Variants in EYS observed in about 807,000 individuals in gnomAD.
EYS encodes the protein EGF-like photoreceptor maintenance factor.
EYS carries 250 observed loss-of-function variants against 282.1 expected under a neutral mutation model. That is an observed-to-expected ratio of 0.89 (90% CI 0.80 to 0.98). The LOEUF is 0.98. Ranked by LOEUF, EYS falls within the 50% of genes least tolerant of loss-of-function variation. EYS has a pLI of 0.00. For synonymous variants in EYS, 1,355 were observed against 1,282.9 expected, an observed-to-expected ratio of 1.06 and a Z score of -1.20; for missense variants, 4,016 against 3,709.0, an observed-to-expected ratio of 1.08 and a Z score of -2.15.
intron 22 of EYS, among the ~76,000 whole-genome samples, chr6:64,676,327 T>TATAG: frequency 6.9e-6 from 1 of 145,872 alleles, no homozygotes; most frequent in East Asian, 2.0e-4. Flanking sequence ...TATATATATA[T>TATAG]ATCTATATAT....
chr6:64,854,607 G>A (rs904863860), intron 19 of EYS, among the ~76,000 whole-genome samples: 4 of 128,056 alleles, frequency 3.1e-5, no homozygotes, highest in Admixed American at 8.3e-5. Flanking sequence ...TGGGGGGAGG[G>A]GGGAGGGATA....
At chr6:65,397,467 T>C (rs1030541122) in intron 7 of EYS, among the ~76,000 whole-genome samples, 1 of 151,974 alleles carries the variant, frequency 6.6e-6, no homozygotes, top group Non-Finnish European at 1.5e-5. Context: ...GTGAAAAGAT[T>C]AGGTTTTTTA....
chr6:65,224,575 A>G (rs1295136408), intron 12 of EYS, among the ~76,000 whole-genome samples: 1 of 151,760 alleles, frequency 6.6e-6, no homozygotes, highest in Non-Finnish European at 1.5e-5. Context: ...GATAAATGAA[A>G]TCAAGAAATG....
At chr6:65,491,088 G>C (rs1212741073) in intron 4 of EYS, among the ~76,000 whole-genome samples, 1 of 152,036 alleles carries the variant, frequency 6.6e-6, no homozygotes, top group African/African-American at 2.4e-5. Flanking sequence ...ACATTCAAAT[G>C]TGTACTGTTT....
chr6:65,517,165 A>G (rs1767166257), intron 2 of EYS, among the ~76,000 whole-genome samples: 1 of 151,944 alleles, frequency 6.6e-6, no homozygotes, highest in African/African-American at 2.4e-5. Context: ...CAAAGGAACT[A>G]CTGCGTGTGG....
chr6:64,106,861 T>A (rs1488860168), intron 31 of EYS, among the ~76,000 whole-genome samples: 1 of 152,044 alleles, frequency 6.6e-6, no homozygotes. Flanking sequence ...CTGTTCTTTT[T>A]TCCCAGTCTT....
At position 64,065,956 on chromosome 6, in the gene EYS, A is replaced by G. The variant is rs78803528; in HGVS notation, c.6725+382T>C. Among the ~76,000 whole-genome samples, 13 of 152,294 alleles carry G rather than the reference A, an allele frequency of 8.5e-5. No individual in the cohort carries two copies. In the East Asian group the frequency reaches 2.5e-3, roughly 29 times the overall value. ...ACTTTTGGGTGGCTGTTACACACGT[A>G]AATAACATTTAAAAAATAGAGTTCA... On this transcript the variant is annotated intron_variant, in intron 33 of 42. Coordinates refer to ENST00000503581, the MANE Select transcript of EYS (RefSeq NM_001142800.2).
intron 32 of EYS, among the ~76,000 whole-genome samples, chr6:64,068,424 T>G (rs1415886294): frequency 1.3e-5 from 2 of 151,150 alleles, no homozygotes; most frequent in African/African-American, 4.9e-5. Flanking sequence ...TTGATGAATG[T>G]AAATTCTTAA....
chr6:64,496,076 A>T (rs1200516735), intron 26 of EYS, among the ~76,000 whole-genome samples: 1 of 151,844 alleles, frequency 6.6e-6, no homozygotes, highest in African/African-American at 2.4e-5. Flanking sequence ...TTTAATCAAG[A>T]TATGCAAAGG....
chr6:64,410,554 T>C (rs1773855769), intron 28 of EYS, among the ~76,000 whole-genome samples: 1 of 152,174 alleles, frequency 6.6e-6, no homozygotes, highest in African/African-American at 2.4e-5. Flanking sequence ...ATATTTTTTA[T>C]TATCTGGTTC....
intron 26 of EYS, among the ~76,000 whole-genome samples, chr6:64,443,704 C>T (rs1775028638): frequency 6.6e-6 from 1 of 152,070 alleles, no homozygotes; most frequent in Non-Finnish European, 1.5e-5. Context: ...TGCCTGCTGC[C>T]ATCTCTCTTT....
intron 30 of EYS, among the ~76,000 whole-genome samples, chr6:64,254,897 G>A (rs1428534585): frequency 6.6e-6 from 1 of 152,100 alleles, no homozygotes; most frequent in African/African-American, 2.4e-5. Flanking sequence ...GAAGCAAAGT[G>A]AAAAGAGGGG....
At chr6:64,562,777 G>A (rs1422229069) in intron 26 of EYS, among the ~76,000 whole-genome samples, 3 of 151,662 alleles carry the variant, frequency 2.0e-5, no homozygotes, top group Non-Finnish European at 3.0e-5. Flanking sequence ...AATAATACTG[G>A]TAACACAATT....
At chr6:64,544,736 T>TA (rs1276537611) in intron 26 of EYS, among the ~76,000 whole-genome samples, 1 of 152,086 alleles carries the variant, frequency 6.6e-6, no homozygotes, top group Non-Finnish European at 1.5e-5. Context: ...GAGAATACTA[T>TA]AAAAACCTCT....
At chr6:64,031,598 G>A (rs1769842376) in intron 33 of EYS, among the ~76,000 whole-genome samples, 1 of 152,218 alleles carries the variant, frequency 6.6e-6, no homozygotes, top group South Asian at 2.1e-4. Context: ...GAGTCTGGTG[G>A]GGACTTGCAG....
intron 26 of EYS, among the ~76,000 whole-genome samples, chr6:64,460,253 T>A (rs1775699262): frequency 6.6e-6 from 1 of 152,158 alleles, no homozygotes; most frequent in Non-Finnish European, 1.5e-5. Flanking sequence ...TATATAGCCT[T>A]CAGAAGCCAT....
chr6:63,819,647 T>G (rs986051776), intron 36 of EYS, among the ~76,000 whole-genome samples: 1 of 152,216 alleles, frequency 6.6e-6, no homozygotes, highest in African/African-American at 2.4e-5. Context: ...CCAATAACTT[T>G]TGGGTGATAA....
At position 63,720,157 on chromosome 6, in the gene EYS, T is replaced by C. The variant is rs963071034; in HGVS notation, c.*439A>G. 5.4e-6 allele frequency: 1 copy of C among 184,026 alleles called. No individual in the cohort carries two copies. The highest frequency in any genetic ancestry group is 2.3e-5 in the African/African-American group (1 of 43,066). 11.4% of individuals were successfully genotyped at this position (184,026 alleles called of 1,614,324 possible). A position where few individuals can be genotyped will look rare whatever the true frequency, so the allele number is the denominator to read the frequency against. ...ATGGTTACATTGCTTTGTATAATTTTTATTTTTCCTTTGATTAATAACTTG... is the reference window on the plus strand; with the variant it reads ...ATGGTTACATTGCTTTGTATAATTTCTATTTTTCCTTTGATTAATAACTTG... On this transcript the variant is annotated 3_prime_UTR_variant, in exon 43 of 43. Transcript: ENST00000503581.
chr6:64,366,770 A>C (rs1299318531), intron 29 of EYS, among the ~76,000 whole-genome samples: 1 of 152,052 alleles, frequency 6.6e-6, no homozygotes, highest in Non-Finnish European at 1.5e-5. Flanking sequence ...TGTGGACAAT[A>C]GGAAGAAAAC....
Sources: gnomAD v4.1 joint callset for allele counts (sites outside exome capture counted in the v4.1 genomes callset) on GRCh38, gnomAD v4.1.1 for gene constraint, MANE v1.5 for transcripts, NCBI Gene and HGNC (gene_info 2026-07-23, HGNC 2026-07-21) for gene names.